The following LETM2 variants were observed in gnomAD, a reference collection of about 807,000 sequenced individuals.
LETM2 encodes the protein leucine zipper and EF-hand containing transmembrane protein 2.
A neutral mutation model predicts 59.6 loss-of-function variants in LETM2; 58 were observed. That is an observed-to-expected ratio of 0.97 (90% CI 0.79 to 1.21). The LOEUF is 1.21. Among genes scored for constraint, LETM2 ranks in the 50% most tolerant of loss-of-function variants. LETM2 has a pLI of 0.00. For synonymous variants in LETM2, 199 were observed against 214.1 expected, an observed-to-expected ratio of 0.93 and a Z score of 0.62; for missense variants, 572 against 575.7, an observed-to-expected ratio of 0.99 and a Z score of 0.07.
At chr8:38,401,821 T>G (rs1327453682) in intron 6 of LETM2, 1 of 152,776 alleles carries the variant, frequency 6.5e-6, no homozygotes, top group Non-Finnish European at 1.5e-5. Flanking sequence ...CCTCAACACC[T>G]TGTAGAAGAA....
At chr8:38,394,845 CAAAAAAAA>C (rs34403974) in intron 4 of LETM2, among the ~76,000 whole-genome samples, 3 of 84,510 alleles carry the variant, frequency 3.5e-5, no homozygotes. Context: ...GACCCTGTCT[CAAAAAAAA>C]AAAAAAAAAA....
intron 7 of LETM2, 41 bp from the exon 8 acceptor site, chr8:38,404,352 G>C: frequency 7.4e-7 from 1 of 1,351,980 alleles, no homozygotes; most frequent in Middle Eastern, 2.0e-4. Context: ...TCTGGCTCTG[G>C]TGTTCTGATT....
chr8:38,398,387 A>G (rs1024546567), intron 4 of LETM2, among the ~76,000 whole-genome samples: 3 of 152,320 alleles, frequency 2.0e-5, no homozygotes, highest in East Asian at 3.9e-4. Context: ...AAACATACAA[A>G]TATGTCTACA....
chr8:38,401,844 A>G (rs1813255969), intron 6 of LETM2, among the ~76,000 whole-genome samples: 1 of 152,196 alleles, frequency 6.6e-6, no homozygotes, highest in Non-Finnish European at 1.5e-5. Context: ...GCACCCTTGG[A>G]CTATAACTAC....
In LETM2 at chr8:38,406,965, T is replaced by C. The variant is rs754016101; in HGVS notation, c.1238T>C (p.Leu413Pro). Residue 413 changes from leucine (L) to proline (P), a missense_variant, in exon 9 of 11, where the codon CTT becomes CCT. By Grantham distance (98) the Leu-to-Pro change is moderately conservative (BLOSUM62 -3). Coordinates refer to ENST00000379957, the MANE Select transcript of LETM2 (RefSeq NM_001286819.2). The part of the protein sequence containing the change: ...LSGEAPKTDI[L>P]VELPTFTESK... The stretch of plus-strand genomic sequence containing the variant: ...CCCCAGGCTCCAAAGACTGATATTC[T>C]TGTGGAATTACCTACTTTCACTGAA... 6.8e-6 allele frequency: 11 copies of C among 1,609,158 alleles called. No individual in the cohort carries two copies. Among genetic ancestry groups the C allele is most frequent in the Admixed American group, 6.7e-5 (4 of 59,990 alleles).
intron 2 of LETM2, 107 bp from the exon 3 acceptor site, chr8:38,392,435 A>C (rs1370154823): frequency 3.9e-6 from 3 of 767,438 alleles, no homozygotes; most frequent in South Asian, 1.8e-5. Flanking sequence ...AAGCTGTTTT[A>C]TTTTGACCAG....
In LETM2 at chr8:38,400,862, G is replaced by T; in HGVS notation, c.793G>T (p.Gly265Cys). 6.2e-7 allele frequency: 1 copy of T among 1,614,108 alleles called. No individual in the cohort carries two copies. Among genetic ancestry groups the T allele is most frequent in the Non-Finnish European group, 8.5e-7 (1 of 1,180,000 alleles). ...TTGTCCCACTGCATAGGTCCAGACA[G>T]GCCACAAGCCCAGCACAAAGGAGAT... ...LSSYVKQVQT[G>C]HKPSTKEIVR... is the part of the protein sequence containing the mutation. The change falls in exon 6 of 11, where the codon GGC becomes TGC. Residue 265 changes from glycine to cysteine, a missense_variant. Coordinates refer to ENST00000379957, the MANE Select transcript of LETM2 (RefSeq NM_001286819.2).
At chr8:38,393,938 T>C (rs1336675398) in intron 3 of LETM2, 160 bp from the exon 4 acceptor site, 7 of 501,092 alleles carry the variant, frequency 1.4e-5, no homozygotes, top group African/African-American at 2.0e-5. Flanking sequence ...AAGGATTGCG[T>C]GAGCCCAGGA....
chr8:38,385,019 T>A (rs1811715605), upstream of LETM2, among the ~76,000 whole-genome samples: 2 of 152,216 alleles, frequency 1.3e-5, no homozygotes, highest in Admixed American at 6.5e-5. Flanking sequence ...GCTCAAAATT[T>A]GACCACCAGG....
rs1258247249 is a variant in LETM2, at chr8:38,408,357, T to C, written c.*83T>C. On this transcript the variant is annotated 3_prime_UTR_variant, in exon 11 of 11. Coordinates refer to ENST00000379957, the MANE Select transcript of LETM2 (RefSeq NM_001286819.2). ...CTGTAAAGGACCTCCCAGATAAGAC[T>C]GTCTGGCTTCAGAGAGCGGATCAGC... is the stretch of plus-strand genomic sequence containing the variant. 3 of 1,218,932 alleles carry C rather than the reference T, an allele frequency of 2.5e-6. No homozygotes were observed. The highest frequency in any genetic ancestry group is 3.6e-6 in the Non-Finnish European group (3 of 842,500). 75.5% of individuals were successfully genotyped at this position (1,218,932 alleles called of 1,614,324 possible).
intron 2 of LETM2, among the ~76,000 whole-genome samples, chr8:38,391,414 T>C (rs1306684945): frequency 1.3e-5 from 2 of 149,224 alleles, no homozygotes; most frequent in Non-Finnish European, 3.0e-5. Flanking sequence ...GTGATTCTCC[T>C]GCCTCAGCCT....
rs1454138281 is a variant in LETM2, at chr8:38,400,386, C to T, written c.760C>T (p.Gln254Ter). ...AGCCAAGATGGGCGATGCCTCTACA[C>T]AGCTCTCATCCTACGTGAAGCAGGT... ...NRAKMGDAST[Q>*]LSSYVKQVQT... The change falls in exon 5 of 11, where the codon CAG becomes TAG. Residue 254 changes from glutamine to a stop codon, truncating the protein, a stop_gained. Coordinates refer to ENST00000379957, the MANE Select transcript of LETM2 (RefSeq NM_001286819.2). LOFTEE classifies it high-confidence loss of function. 2.5e-6 allele frequency: 4 copies of T among 1,599,816 alleles called. No individual in the cohort carries two copies. In the Admixed American group the frequency reaches 7.0e-5, roughly 28 times the overall value.
intron 2 of LETM2, among the ~76,000 whole-genome samples, chr8:38,388,730 AAAG>A (rs1315910348): frequency 6.6e-6 from 1 of 150,878 alleles, no homozygotes; most frequent in Non-Finnish European, 1.5e-5. Flanking sequence ...CAAAAAAAAA[AAAG>A]AAAAGAAGAT....
At chr8:38,382,485 C>G (rs938341215), upstream of LETM2, 8 of 152,140 alleles carry the variant, frequency 5.3e-5, no homozygotes, top group East Asian at 1.6e-3. This position sits in a 1 kb window ranked among gnomAD's most constrained non-coding sequence, Gnocchi z 4.2. Flanking sequence ...GCGAGAGGGC[C>G]GAGGAACGAG....
At chr8:38,383,481 CTGGATGTCTT>C (rs1811658292), upstream of LETM2, 1 of 152,196 alleles carries the variant, frequency 6.6e-6, no homozygotes, top group Non-Finnish European at 1.5e-5. Context: ...CGTTATAGTG[CTGGATGTCTT>C]TGGTACTATT....
At position 38,392,617 on chromosome 8, in the gene LETM2, C is replaced by G. The variant is rs771363135; in HGVS notation, c.123C>G (p.Ser41=). 46 of 1,613,692 alleles carry G rather than the reference C, an allele frequency of 2.9e-5. No homozygotes were observed. The highest frequency in any genetic ancestry group is 3.7e-5 in the Non-Finnish European group (44 of 1,179,896). ...PSCAFLHLPD[S]HLNKTCMKNY... is the part of the protein sequence containing the mutation. ...GTGCATTTCTTCACTTGCCAGATTC[C>G]CATTTAAATAAGACATGTATGAAGA... The change falls in exon 3 of 11, where the codon TCC becomes TCG. Residue 41 remains serine, a synonymous_variant. Coordinates refer to ENST00000379957, the MANE Select transcript of LETM2 (RefSeq NM_001286819.2).
intron 7 of LETM2, among the ~76,000 whole-genome samples, chr8:38,404,078 A>ATTCT (rs1032015287): frequency 1.3e-5 from 2 of 152,132 alleles, no homozygotes; most frequent in Non-Finnish European, 2.9e-5. Flanking sequence ...GCTGTGATTT[A>ATTCT]TTCTTTCACA....
At position 38,408,549 on chromosome 8, in the gene LETM2, GTTT is replaced by G. The variant is rs955928128; in HGVS notation, c.*280_*282del. On this transcript the variant is annotated 3_prime_UTR_variant, in exon 11 of 11. Transcript: ENST00000379957. ...TATAAAGCCCACCCCCCATCATGTT[GTTT>G]TTTTAGTTTCATGTGTACGTCCCTT... 3.2e-6 allele frequency: 1 copy of G among 311,314 alleles called. No individual in the cohort carries two copies. The highest frequency in any genetic ancestry group is 6.0e-6 in the Non-Finnish European group (1 of 165,292). 19.3% of individuals were successfully genotyped at this position (311,314 alleles called of 1,614,324 possible). A position where few individuals can be genotyped will look rare whatever the true frequency, so the allele number is the denominator to read the frequency against.
chr8:38,403,375 G>T (rs746611594), intron 7 of LETM2, among the ~76,000 whole-genome samples: 3 of 152,224 alleles, frequency 2.0e-5, no homozygotes, highest in South Asian at 2.1e-4. Context: ...CCTACTTCAC[G>T]TAGTGTAACG....
Sources: allele counts gnomAD v4.1 joint callset (sites outside exome capture counted in the v4.1 genomes callset), GRCh38; gene constraint gnomAD v4.1.1; non-coding constraint Gnocchi (gnomAD v3.1); transcripts MANE v1.5; gene names NCBI Gene and HGNC (gene_info 2026-07-23, HGNC 2026-07-21).